The following DNAH8 variants were observed in gnomAD, a reference collection of about 807,000 sequenced individuals.
DNAH8 encodes the protein dynein axonemal heavy chain 8.
A neutral mutation model predicts 562.1 loss-of-function variants in DNAH8; 382 were observed. That is an observed-to-expected ratio of 0.68 (90% CI 0.63 to 0.74). The LOEUF is 0.74. Among genes scored for constraint, DNAH8 ranks in the 30% least tolerant of loss-of-function variants. The probability of loss-of-function intolerance (pLI) is 0.00; values close to 1 mark genes in which losing one functional copy is unlikely to be tolerated. For missense variants in DNAH8, 5,203 were observed against 5,620.4 expected, an observed-to-expected ratio of 0.93 and a Z score of 2.37; for synonymous variants, 1,881 against 1,919.4, an observed-to-expected ratio of 0.98 and a Z score of 0.52.
At chr6:38,903,995 T>TA (rs1474739579) in intron 62 of DNAH8, among the ~76,000 whole-genome samples, 1 of 151,938 alleles carries the variant, frequency 6.6e-6, no homozygotes, top group Non-Finnish European at 1.5e-5. Flanking sequence ...CACACTGCAT[T>TA]AAAAAAAAGT....
chr6:38,917,451 G>T, intron 69 of DNAH8, 45 bp downstream of exon 69: 1 of 1,536,526 alleles, frequency 6.5e-7, no homozygotes, highest in Non-Finnish European at 9.0e-7. Flanking sequence ...TGCATCAGGC[G>T]TCCTCAGCCC....
chr6:38,776,232 T>G (rs74949308), intron 13 of DNAH8, among the ~76,000 whole-genome samples: 5 of 151,632 alleles, frequency 3.3e-5, no homozygotes, highest in Non-Finnish European at 7.4e-5. Context: ...TTTTTTTTTT[T>G]TGTGAGATGG....
Position 38,862,272 on chromosome 6 carries a change from A to G in DNAH8, c.6132-8A>G. Reference sequence around the variant, plus strand: ...ACTCACAATGCTTTATTGGATGAACATTTGCAGATGCTATATCACGTTAGC... The same window carrying G: ...ACTCACAATGCTTTATTGGATGAACGTTTGCAGATGCTATATCACGTTAGC... On this transcript the variant is annotated splice_polypyrimidine_tract_variant and splice_region_variant and intron_variant, in intron 43 of 92. Transcript: ENST00000327475. 1 of 1,608,952 alleles carries G rather than the reference A, an allele frequency of 6.2e-7. No homozygotes were observed. Among genetic ancestry groups the G allele is most frequent in the Non-Finnish European group, 8.5e-7 (1 of 1,177,916 alleles).
intron 42 of DNAH8, among the ~76,000 whole-genome samples, chr6:38,858,733 G>A (rs999192406): frequency 6.6e-6 from 1 of 152,196 alleles, no homozygotes; most frequent in African/African-American, 2.4e-5. Context: ...CTATCAGAAA[G>A]CTGCACACTT....
At chr6:38,830,948 T>G (rs531401957) in intron 30 of DNAH8, among the ~76,000 whole-genome samples, 2 of 152,268 alleles carry the variant, frequency 1.3e-5, no homozygotes, top group East Asian at 3.9e-4. Flanking sequence ...GAGGCTTACT[T>G]GAGGTAATGT....
At chr6:38,930,153 T>A (rs2150574900) in intron 75 of DNAH8, among the ~76,000 whole-genome samples, 1 of 152,306 alleles carries the variant, frequency 6.6e-6, no homozygotes, top group Non-Finnish European at 1.5e-5. Context: ...TAAAGTCATT[T>A]TAATAAACAC....
chr6:38,887,042 TAATGGACATAAACCACACA>T, intron 57 of DNAH8, 38 bp downstream of exon 57: 1 of 1,404,688 alleles, frequency 7.1e-7, no homozygotes, highest in Non-Finnish European at 1.0e-6. Context: ...TTGCATTACA[TAATGGACATAAACCACACA>T]AAATTTCATT....
chr6:38,776,374 C>T (rs759924389), intron 13 of DNAH8, among the ~76,000 whole-genome samples: 16 of 152,038 alleles, frequency 1.1e-4, no homozygotes, highest in East Asian at 1.9e-4. Flanking sequence ...TGTGCCACCA[C>T]GCCTGGTTAA....
At chr6:38,773,922 G>A (rs542507796) in intron 12 of DNAH8, among the ~76,000 whole-genome samples, 5 of 152,310 alleles carry the variant, frequency 3.3e-5, no homozygotes, top group Admixed American at 6.5e-5. Flanking sequence ...AAAGTCGAAG[G>A]GCAGACAAGA....
At chr6:38,945,379 G>T in intron 79 of DNAH8, 88 bp from the exon 80 acceptor site, 14 of 1,345,824 alleles carry the variant, frequency 1.0e-5, no homozygotes, top group South Asian at 8.1e-5. Context: ...CAGTAATGTG[G>T]CTATTTTGCT....
chr6:38,847,172 A>G (rs945842989), intron 36 of DNAH8, among the ~76,000 whole-genome samples: 2 of 152,104 alleles, frequency 1.3e-5, no homozygotes, highest in Admixed American at 1.3e-4. Context: ...CCCTGATTCC[A>G]TGGGACTTCA....
chr6:38,965,346 C>T (rs575835917), intron 82 of DNAH8, among the ~76,000 whole-genome samples: 5 of 152,100 alleles, frequency 3.3e-5, no homozygotes, highest in East Asian at 3.9e-4. Context: ...AAATGATTTA[C>T]GATTTTCAGA....
chr6:38,922,046 C>A (rs1435788633), intron 71 of DNAH8, among the ~76,000 whole-genome samples: 2 of 69,562 alleles, frequency 2.9e-5, no homozygotes, highest in Admixed American at 3.0e-4. Context: ...AAGGCAGGAA[C>A]AGGCCATTTT....
intron 82 of DNAH8, among the ~76,000 whole-genome samples, chr6:38,952,567 A>G (rs6905159): frequency 0.39 from 60,023 of 152,046 alleles, 13,639 homozygotes; most frequent in East Asian, 0.68. Context: ...AATTACATTA[A>G]ATTTATTACA....
At chr6:38,890,954 C>G (rs115276427) in intron 58 of DNAH8, among the ~76,000 whole-genome samples, 193 bp downstream of exon 58, 1 of 152,072 alleles carries the variant, frequency 6.6e-6, no homozygotes, top group Admixed American at 6.6e-5. Flanking sequence ...TGATGCTTTC[C>G]GTATGTATGA....
intron 76 of DNAH8, among the ~76,000 whole-genome samples, chr6:38,933,410 A>G (rs903062253): frequency 6.6e-6 from 1 of 152,090 alleles, no homozygotes; most frequent in Non-Finnish European, 1.5e-5. Flanking sequence ...TTATACCCAT[A>G]TTTTTACAGA....
intron 13 of DNAH8, among the ~76,000 whole-genome samples, chr6:38,776,836 C>T (rs1031530826): frequency 6.6e-6 from 1 of 152,280 alleles, no homozygotes; most frequent in East Asian, 1.9e-4. Context: ...CAGTTACTCT[C>T]TACTGTTAAC....
Position 38,938,816 on chromosome 6 carries a change from A to C in DNAH8, c.11835A>C (p.Leu3945=), listed in dbSNP as rs781207850. Reference sequence around the variant, plus strand: ...GTTTCAGATCTGAAAAGTCACCACTACCTCAAAAGAGAATTACAAATATTA... The same window carrying C: ...GTTTCAGATCTGAAAAGTCACCACTCCCTCAAAAGAGAATTACAAATATTA... The part of the protein sequence containing the change: ...QSMARSEKSP[L]PQKRITNIIE... Residue 3945 remains leucine, a synonymous_variant, in exon 79 of 93, where the codon CTA becomes CTC. Transcript: ENST00000327475. 6.2e-7 allele frequency: 1 copy of C among 1,606,964 alleles called. No individual in the cohort carries two copies. The highest frequency in any genetic ancestry group is 8.5e-7 in the Non-Finnish European group (1 of 1,176,516).
intron 82 of DNAH8, among the ~76,000 whole-genome samples, chr6:38,971,161 G>T (rs950024500): frequency 4.6e-5 from 7 of 152,158 alleles, no homozygotes; most frequent in African/African-American, 1.7e-4. Flanking sequence ...GGAATAAACA[G>T]AAAATTAAAT....
Sources: gnomAD v4.1 joint callset for allele counts (sites outside exome capture counted in the v4.1 genomes callset) on GRCh38, gnomAD v4.1.1 for gene constraint, MANE v1.5 for transcripts, NCBI Gene and HGNC (gene_info 2026-07-23, HGNC 2026-07-21) for gene names.